AIDA: variants seen among roughly 807,000 people sequenced by gnomAD.
AIDA encodes axin interactor, dorsalization-associated protein.
Under a neutral mutation model 42.7 loss-of-function variants are expected in AIDA, and 18 were observed. The observed-to-expected ratio is 0.42, with a 90% confidence interval of 0.29 to 0.63. The LOEUF (loss-of-function observed/expected upper bound fraction) is 0.63. AIDA is among the 20% of genes least tolerant of loss of function. AIDA has a pLI of 0.19. For synonymous variants in AIDA, 104 were observed against 122.9 expected (o/e 0.85, Z 1.02); for missense variants, 250 against 354.1 (o/e 0.71, Z 2.36).
chr1:222,672,027 TAAGA>T (rs1281824228), intron 8 of AIDA, among the ~76,000 whole-genome samples: 1 of 152,202 alleles, frequency 6.6e-6, no homozygotes, highest in East Asian at 1.9e-4. Context: ...ATGCTTTTTA[TAAGA>T]AAGAACAAAA....
At chr1:222,696,030 G>A (rs150109620) in intron 2 of AIDA, among the ~76,000 whole-genome samples, 43 of 152,248 alleles carry the variant, frequency 2.8e-4, no homozygotes, top group Admixed American at 9.8e-4. Flanking sequence ...AGCAAGATAC[G>A]ACTCGATGCC....
At chr1:222,681,075 T>C (rs1013779604) in intron 6 of AIDA, among the ~76,000 whole-genome samples, 1 of 152,176 alleles carries the variant, frequency 6.6e-6, no homozygotes, top group Admixed American at 6.5e-5. Flanking sequence ...AATGACATGC[T>C]ATAGCATTTG....
chr1:222,669,681 C>T lies in AIDA; in HGVS notation c.*212G>A, dbSNP rs1288071425. The stretch of plus-strand genomic sequence containing the variant: ...AAGTAAAAACATGTTTCAAAATCTA[C>T]AATAAACCTGTATCCCAAGGAGTCC... On this transcript the variant is annotated 3_prime_UTR_variant, in exon 10 of 10. Transcript: ENST00000340020. 3 of 519,530 alleles carry T rather than the reference C, an allele frequency of 5.8e-6. No individual in the cohort carries two copies. The African/African-American group carries it at 5.9e-5, about 10-fold the overall frequency. 32.2% of individuals were successfully genotyped at this position (519,530 alleles called of 1,614,324 possible). A position where few individuals can be genotyped will look rare whatever the true frequency, so the allele number is the denominator to read the frequency against.
intron 1 of AIDA, among the ~76,000 whole-genome samples, chr1:222,707,739 C>G (rs1195259684): frequency 6.6e-6 from 1 of 152,192 alleles, no homozygotes; most frequent in Non-Finnish European, 1.5e-5. Flanking sequence ...AGCACATACA[C>G]AAGTAACTCC....
intron 2 of AIDA, among the ~76,000 whole-genome samples, chr1:222,700,433 A>G (rs902502078): frequency 6.6e-6 from 1 of 152,182 alleles, no homozygotes; most frequent in Non-Finnish European, 1.5e-5. Flanking sequence ...CGTCTAGGTC[A>G]TGCTGCCTCC....
intron 1 of AIDA, among the ~76,000 whole-genome samples, chr1:222,703,952 C>T (rs1481593788): frequency 6.6e-6 from 1 of 152,098 alleles, no homozygotes; most frequent in East Asian, 1.9e-4. Flanking sequence ...AAACTATGGT[C>T]TCAACTATAA....
At chr1:222,679,359 TAAGAA>T (rs1191689401) in intron 6 of AIDA, among the ~76,000 whole-genome samples, 2 of 152,066 alleles carry the variant, frequency 1.3e-5, no homozygotes, top group African/African-American at 4.8e-5. Context: ...GTAACTGAAG[TAAGAA>T]AAGAAATCAT....
chr1:222,673,400 T>C lies in AIDA; in HGVS notation c.619A>G (p.Thr207Ala). 6.2e-7 allele frequency: 1 copy of C among 1,607,566 alleles called. No individual in the cohort carries two copies. Among genetic ancestry groups the C allele is most frequent in the Non-Finnish European group, 8.5e-7 (1 of 1,176,444 alleles). The change falls in exon 8 of 10, where the codon ACT (threonine) becomes GCT (alanine). Residue 207 changes from threonine (T) to alanine (A), a missense_variant. Physicochemically the swap from Thr to Ala is moderately conservative, Grantham distance 58. Coordinates refer to ENST00000340020, the MANE Select transcript of AIDA (RefSeq NM_022831.4). ...TCTTCTTTTCTTGAAGCCACAGGAGTATCTTGCACAGGAGTTAAGTCTATG... is the reference window on the plus strand; with the variant it reads ...TCTTCTTTTCTTGAAGCCACAGGAGCATCTTGCACAGGAGTTAAGTCTATG... ...NGIDLTPVQD[T>A]PVASRKEDTY...
chr1:222,672,005 G>C (rs1027637600), intron 8 of AIDA, among the ~76,000 whole-genome samples: 1 of 152,142 alleles, frequency 6.6e-6, no homozygotes, highest in South Asian at 2.1e-4. Flanking sequence ...TATATTTCCT[G>C]CATCCTTCAT....
intron 1 of AIDA, among the ~76,000 whole-genome samples, chr1:222,703,886 A>C (rs951706201): frequency 6.6e-6 from 1 of 152,184 alleles, no homozygotes; most frequent in African/African-American, 2.4e-5. Flanking sequence ...CTGAGACAGC[A>C]AAAAACTTGT....
intron 6 of AIDA, among the ~76,000 whole-genome samples, chr1:222,681,641 C>T (rs1664654485): frequency 1.3e-5 from 2 of 152,004 alleles, no homozygotes; most frequent in Non-Finnish European, 1.5e-5. Flanking sequence ...CCAGCCTGGG[C>T]GACAGAGCGA....
intron 1 of AIDA, among the ~76,000 whole-genome samples, chr1:222,703,516 G>A (rs1041247897): frequency 4.6e-5 from 7 of 152,128 alleles, no homozygotes; most frequent in African/African-American, 1.7e-4. Context: ...TAGTATGCAT[G>A]ACTTTCTTCT....
At position 222,668,083 on chromosome 1, in the gene AIDA, T is replaced by C. The variant is rs1409944019; in HGVS notation, c.*1810A>G. On this transcript the variant is annotated 3_prime_UTR_variant, in exon 10 of 10. Transcript: ENST00000340020. Reference sequence around the variant, plus strand: ...ATATAAACTATACTTATGTGAAGGATAGCAGATGCTTCATATAAATTATCA... The same window carrying C: ...ATATAAACTATACTTATGTGAAGGACAGCAGATGCTTCATATAAATTATCA... The C allele has an allele frequency of 6.6e-6, 1 of 152,238 alleles. No individual in the cohort carries two copies. Among genetic ancestry groups the C allele is most frequent in the South Asian group, 2.1e-4 (1 of 4,834 alleles). The allele number at this position is 152,238 out of a possible 1,614,324, so 9.4% of individuals were successfully genotyped here.
At chr1:222,700,616 C>T (rs1479039853) in intron 2 of AIDA, among the ~76,000 whole-genome samples, 9 of 99,152 alleles carry the variant, frequency 9.1e-5, no homozygotes, top group African/African-American at 2.8e-4. Context: ...ATTAGCTGGG[C>T]GCGGTGGCGG....
At chr1:222,673,652 C>T (rs1317127533) in intron 7 of AIDA, among the ~76,000 whole-genome samples, 1 of 151,994 alleles carries the variant, frequency 6.6e-6, no homozygotes, top group African/African-American at 2.4e-5. Flanking sequence ...GTGGCGGGCG[C>T]CTATAGTCCC....
At position 222,693,709 on chromosome 1, in the gene AIDA, T is replaced by A. The variant is rs1655436897; in HGVS notation, c.289+80A>T. On this transcript the variant is annotated intron_variant, in intron 4 of 9. Coordinates refer to ENST00000340020, the MANE Select transcript of AIDA (RefSeq NM_022831.4). Reference sequence around the variant, plus strand: ...TTAACAGAAATAAATCAAATCATAATCTTTGTTAAATAGCCTTAACATCTA... The same window carrying A: ...TTAACAGAAATAAATCAAATCATAAACTTTGTTAAATAGCCTTAACATCTA... 8 of 1,204,630 alleles carry A rather than the reference T, an allele frequency of 6.6e-6. No homozygotes were observed. In the South Asian group the frequency reaches 8.5e-5, roughly 13 times the overall value. 74.6% of individuals were successfully genotyped at this position (1,204,630 alleles called of 1,614,324 possible).
At chr1:222,685,317 A>G (rs1664725082) in intron 6 of AIDA, among the ~76,000 whole-genome samples, 1 of 152,168 alleles carries the variant, frequency 6.6e-6, no homozygotes, top group Non-Finnish European at 1.5e-5. Context: ...TCATTATCCC[A>G]TTTTATAAAG....
chr1:222,677,199 T>G (rs1041567995), intron 6 of AIDA, among the ~76,000 whole-genome samples: 1 of 152,272 alleles, frequency 6.6e-6, no homozygotes, highest in South Asian at 2.1e-4. Context: ...ACTTATTGCT[T>G]ATTTAAAGAG....
chr1:222,693,903 T>C, intron 3 of AIDA, 60 bp from the exon 4 acceptor site: 1 of 1,339,718 alleles, frequency 7.5e-7, no homozygotes, highest in Non-Finnish European at 1.1e-6. Context: ...GCACCCTGTC[T>C]TTTAAGTGGC....
Sources: allele counts gnomAD v4.1 joint callset (sites outside exome capture counted in the v4.1 genomes callset), GRCh38; gene constraint gnomAD v4.1.1; transcripts MANE v1.5; gene names NCBI Gene and HGNC (gene_info 2026-07-23, HGNC 2026-07-21).